Variants in TRIM16 observed in about 807,000 individuals in gnomAD.
The protein encoded by TRIM16 is tripartite motif-containing protein 16.
In TRIM16, 33 loss-of-function variants were observed where a neutral mutation model predicts 50.4. The ratio of observed to expected loss-of-function variants is 0.65; its 90% confidence interval spans 0.50 to 0.88. The LOEUF (loss-of-function observed/expected upper bound fraction) is 0.88, where lower values mean the gene tolerates loss of function less well. TRIM16 is among the 40% of genes least tolerant of loss of function. The pLI is 0.00. For synonymous variants in TRIM16, 229 were observed against 270.7 expected, an observed-to-expected ratio of 0.85 and a Z score of 1.51; for missense variants, 581 against 686.8, an observed-to-expected ratio of 0.85 and a Z score of 1.72.
rs2654388 is a variant in TRIM16 at position 15,666,920 on chromosome 17, C to T, written c.-338+10256G>A. Reference sequence around the variant, plus strand: ...CTTGATATTTAAAATGCATCTCTTACGGGCATCGTGTAAGAAAGTCTTGTT... The same window carrying T: ...CTTGATATTTAAAATGCATCTCTTATGGGCATCGTGTAAGAAAGTCTTGTT... On this transcript the variant is annotated intron_variant, in intron 6 of 11. Transcript: ENST00000649191. Among the ~76,000 whole-genome samples, 10 of 152,336 alleles carry T rather than the reference C, an allele frequency of 6.6e-5. No homozygotes were observed. In the East Asian group the frequency reaches 1.7e-3, roughly 26 times the overall value.
chr17:15,676,652 G>A (rs1393889470), intron 6 of TRIM16, among the ~76,000 whole-genome samples: 1 of 151,388 alleles, frequency 6.6e-6, no homozygotes, highest in Non-Finnish European at 1.5e-5. Context: ...AGCCAGGATG[G>A]TCTCCATCTC....
At chr17:15,674,965 G>A (rs1475365310) in intron 6 of TRIM16, among the ~76,000 whole-genome samples, 7 of 151,912 alleles carry the variant, frequency 4.6e-5, no homozygotes, top group Non-Finnish European at 8.8e-5. Flanking sequence ...TTAGCTATGA[G>A]CTTCTTTATT....
chr17:15,680,020 A>C (rs1597681238), intron 4 of TRIM16, among the ~76,000 whole-genome samples: 1 of 152,108 alleles, frequency 6.6e-6, no homozygotes, highest in South Asian at 2.1e-4. Flanking sequence ...GAAGCCTTTA[A>C]GTTTTTGTGG....
At chr17:15,640,797 A>C (rs1041383446) in intron 8 of TRIM16, among the ~76,000 whole-genome samples, 1 of 148,282 alleles carries the variant, frequency 6.7e-6, no homozygotes, top group Non-Finnish European at 1.5e-5. Context: ...CTCACCCTTC[A>C]TGCCCACTCA....
At chr17:15,679,704 G>A (rs1368144705) in intron 4 of TRIM16, among the ~76,000 whole-genome samples, 2 of 152,284 alleles carry the variant, frequency 1.3e-5, no homozygotes, top group Non-Finnish European at 2.9e-5. Flanking sequence ...TTGGGAGGCC[G>A]AGGCGGGCAG....
intron 8 of TRIM16, 141 bp from the exon 9 acceptor site, chr17:15,636,410 TTC>T: frequency 4.0e-6 from 3 of 743,840 alleles, no homozygotes; most frequent in Non-Finnish European, 6.5e-6. Context: ...GAATCCTTTA[TTC>T]TCATGTGAAT....
At chr17:15,662,579 T>C (rs1361170192) in intron 6 of TRIM16, among the ~76,000 whole-genome samples, 1 of 152,240 alleles carries the variant, frequency 6.6e-6, no homozygotes, top group East Asian at 1.9e-4. Flanking sequence ...AGAGCATTTC[T>C]AGCACAAAGC....
chr17:15,662,924 T>C (rs924978779), intron 6 of TRIM16, among the ~76,000 whole-genome samples: 2 of 152,154 alleles, frequency 1.3e-5, no homozygotes, highest in African/African-American at 4.8e-5. Context: ...GGGCTACTAC[T>C]AGGTATCTTA....
At chr17:15,663,367 G>C (rs918516164) in intron 6 of TRIM16, among the ~76,000 whole-genome samples, 2 of 152,106 alleles carry the variant, frequency 1.3e-5, no homozygotes, top group African/African-American at 4.8e-5. Flanking sequence ...TACAGAATAT[G>C]ACACACGCCC....
chr17:15,653,988 AAG>A (rs745431397), intron 6 of TRIM16, among the ~76,000 whole-genome samples: 2 of 152,150 alleles, frequency 1.3e-5, no homozygotes, highest in Non-Finnish European at 2.9e-5. Flanking sequence ...AGGCGAATGG[AAG>A]AGAGAGAGAT....
intron 3 of TRIM16, chr17:15,681,157 T>C: frequency 2.2e-6 from 1 of 451,694 alleles, no homozygotes; most frequent in Non-Finnish European, 3.9e-6. Flanking sequence ...GGTATGACCA[T>C]TAACTGGGCT....
rs1295053293 is a variant in TRIM16 at position 15,634,765 on chromosome 17, C to T, written c.849+1271G>A. Among the ~76,000 whole-genome samples the T allele has an allele frequency of 5.4e-5, 8 of 149,126 alleles. 1 individual carries two copies. The highest frequency in any genetic ancestry group is 1.2e-4 in the African/African-American group (5 of 40,374). On this transcript the variant is annotated intron_variant, in intron 9 of 11. Transcript: ENST00000649191. ...GGCGGAGGTTGCAGTGAGCCGAGAT[C>T]GTGCCACTGCACTCCAGCCTGGGTG...
At chr17:15,670,972 T>C (rs921294674) in intron 6 of TRIM16, among the ~76,000 whole-genome samples, 1 of 152,264 alleles carries the variant, frequency 6.6e-6, no homozygotes, top group Non-Finnish European at 1.5e-5. Flanking sequence ...ATGAAGCTGA[T>C]TAAGGTTACG....
At chr17:15,648,237 AAAAC>A (rs1987507146) in intron 7 of TRIM16, among the ~76,000 whole-genome samples, 3 of 149,002 alleles carry the variant, frequency 2.0e-5, no homozygotes, top group Admixed American at 2.0e-4. Context: ...AAAAAAAAAA[AAAAC>A]AAAAAACAAA....
At chr17:15,665,940 C>T (rs1306654163) in intron 6 of TRIM16, among the ~76,000 whole-genome samples, 1 of 151,652 alleles carries the variant, frequency 6.6e-6, no homozygotes, top group African/African-American at 2.4e-5. Flanking sequence ...ATTTAACCCT[C>T]CTCATGTTCT....
intron 7 of TRIM16, among the ~76,000 whole-genome samples, chr17:15,647,483 G>A (rs1249059670): frequency 5.3e-5 from 8 of 152,130 alleles, no homozygotes; most frequent in Non-Finnish European, 1.0e-4. Context: ...GTTCAGCATC[G>A]TGGCCTGGCA....
At chr17:15,678,917 G>A (rs1480122329) in intron 4 of TRIM16, among the ~76,000 whole-genome samples, 1 of 137,138 alleles carries the variant, frequency 7.3e-6, no homozygotes, top group South Asian at 2.3e-4. Flanking sequence ...TCACTCTGTT[G>A]CTGGAGTGCA....
intron 8 of TRIM16, 146 bp from the exon 9 acceptor site, chr17:15,636,415 A>G (rs920547466): frequency 2.8e-6 from 2 of 717,106 alleles, no homozygotes; most frequent in African/African-American, 3.7e-5. Context: ...CTTTATTCTC[A>G]TGTGAATTCC....
intron 6 of TRIM16, among the ~76,000 whole-genome samples, chr17:15,659,195 C>G (rs1988106832): frequency 6.6e-6 from 1 of 152,192 alleles, no homozygotes; most frequent in African/African-American, 2.4e-5. Context: ...TCAACTATGC[C>G]CTTAGCGACG....
Sources: gnomAD v4.1 joint callset for allele counts (sites outside exome capture counted in the v4.1 genomes callset) on GRCh38, gnomAD v4.1.1 for gene constraint, MANE v1.5 for transcripts, NCBI Gene and HGNC (gene_info 2026-07-23, HGNC 2026-07-21) for gene names.